The following MFN1 variants were observed in gnomAD, a reference collection of about 807,000 sequenced individuals.
MFN1 encodes mitofusin-1.
A neutral mutation model predicts 92.4 loss-of-function variants in MFN1; 65 were observed. The observed-to-expected ratio is 0.70, with a 90% CI of 0.58 to 0.86. The LOEUF is 0.86. Ranked by LOEUF, MFN1 falls within the 40% of genes least tolerant of loss-of-function variation. MFN1 has a pLI of 0.00. For synonymous variants in MFN1, 297 were observed against 300.9 expected (o/e 0.99, Z 0.13); for missense variants, 781 against 868.0 (o/e 0.90, Z 1.26).
intron 9 of MFN1, among the ~76,000 whole-genome samples, chr3:179,374,790 A>T (rs1713174508): frequency 6.6e-6 from 1 of 152,224 alleles, no homozygotes; most frequent in Admixed American, 6.5e-5. Context: ...TTAAATAAGG[A>T]ATTGTTCTAA....
In MFN1 at chr3:179,392,016, A is replaced by T. The variant is rs779255109; in HGVS notation, c.2183A>T (p.Asn728Ile). The change falls in exon 18 of 18, where the codon AAT becomes ATT. Residue 728 changes from asparagine (N) to isoleucine (I), a missense_variant. By Grantham distance (149) the Asn-to-Ile change is moderately radical (BLOSUM62 -3). Transcript: ENST00000471841. ...GTTCAACTTGAAAATGAGCTGGAGA[A>T]TTTTACTAAGCAGTTTCTACCTTCA... is the stretch of plus-strand genomic sequence containing the variant. ...KAVQLENELE[N>I]FTKQFLPSSN... is the part of the protein sequence containing the mutation. 1.9e-6 allele frequency: 3 copies of T among 1,611,330 alleles called. No individual in the cohort carries two copies. The highest frequency in any genetic ancestry group is 2.5e-6 in the Non-Finnish European group (3 of 1,177,964).
At chr3:179,373,212 G>T (rs1713091201) in intron 9 of MFN1, among the ~76,000 whole-genome samples, 1 of 152,100 alleles carries the variant, frequency 6.6e-6, no homozygotes, top group Non-Finnish European at 1.5e-5. Context: ...TACCTCAAAC[G>T]AAATGCTGAA....
At chr3:179,358,715 T>C (rs1712442849) in intron 3 of MFN1, 125 bp from the exon 4 acceptor site, 1 of 929,508 alleles carries the variant, frequency 1.1e-6, no homozygotes, top group African/African-American at 1.7e-5. Flanking sequence ...AATCTTTTCA[T>C]AAAAATGCAG....
intron 3 of MFN1, among the ~76,000 whole-genome samples, chr3:179,357,360 A>G (rs1712385959): frequency 6.6e-6 from 1 of 152,042 alleles, no homozygotes; most frequent in South Asian, 2.1e-4. Flanking sequence ...TTTCAGAACT[A>G]CTCTTGAGGA....
chr3:179,361,216 G>T (rs574380823), intron 4 of MFN1, among the ~76,000 whole-genome samples: 36 of 152,252 alleles, frequency 2.4e-4, no homozygotes, highest in African/African-American at 8.4e-4. Flanking sequence ...CAAACTTCTC[G>T]TGACTTCAGA....
At chr3:179,377,691 T>C (rs945785189) in intron 12 of MFN1, among the ~76,000 whole-genome samples, 7 of 152,184 alleles carry the variant, frequency 4.6e-5, no homozygotes, top group African/African-American at 1.7e-4. Flanking sequence ...CTCAACACTT[T>C]GGGAGGCCGA....
At position 179,394,854 on chromosome 3, in the gene MFN1, C is replaced by CTT. The variant is rs1488731795; in HGVS notation, c.*2797_*2798dup. The CTT allele has an allele frequency of 1.3e-5, 2 of 152,152 alleles. No homozygotes were observed. Among genetic ancestry groups the CTT allele is most frequent in the African/African-American group, 4.8e-5 (2 of 41,428 alleles). 9.4% of individuals were successfully genotyped at this position (152,152 alleles called of 1,614,324 possible). On this transcript the variant is annotated 3_prime_UTR_variant, in exon 18 of 18. Coordinates refer to ENST00000471841, the MANE Select transcript of MFN1 (RefSeq NM_033540.3). ...TACTTTGTATGTTTGCAGGATTAAA[C>CTT]TTTGTATAATCTTTTTACAAAAATT...
At chr3:179,348,549 A>T (rs1712010964) in intron 1 of MFN1, among the ~76,000 whole-genome samples, 1 of 152,240 alleles carries the variant, frequency 6.6e-6, no homozygotes, top group Non-Finnish European at 1.5e-5. Context: ...GATGTACTTT[A>T]GAGTCACATG....
At chr3:179,371,634 A>G (rs1210745207) in intron 9 of MFN1, among the ~76,000 whole-genome samples, 1 of 152,240 alleles carries the variant, frequency 6.6e-6, no homozygotes, top group Non-Finnish European at 1.5e-5. Context: ...GGCAAGTTAG[A>G]AATCCAAATA....
At position 179,377,906 on chromosome 3, in the gene MFN1, CA is replaced by C. The variant is rs565575694; in HGVS notation, c.1330-425del. 6.2e-3 allele frequency among the ~76,000 whole-genome samples: 921 copies of C among 148,344 alleles called. 3 individuals are homozygous for C. The highest frequency in any genetic ancestry group is 0.018 in the African/African-American group (725 of 40,642). On this transcript the variant is annotated intron_variant, in intron 12 of 17. Transcript: ENST00000471841. ...GGTGAAACCCTGTCTACTAAAAATACAAAAAAAAAATTAGCCGGTGGCAGGC... is the reference window on the plus strand; with the variant it reads ...GGTGAAACCCTGTCTACTAAAAATACAAAAAAAAATTAGCCGGTGGCAGGC...
intron 10 of MFN1, among the ~76,000 whole-genome samples, 153 bp downstream of exon 10, chr3:179,375,494 G>T (rs900769514): frequency 6.6e-6 from 1 of 152,172 alleles, no homozygotes; most frequent in African/African-American, 2.4e-5. Flanking sequence ...TTTTAAGTGC[G>T]TATTTGAAAG....
chr3:179,357,979 C>G (rs1339326962), intron 3 of MFN1, among the ~76,000 whole-genome samples: 3 of 152,062 alleles, frequency 2.0e-5, no homozygotes, highest in Non-Finnish European at 4.4e-5. Flanking sequence ...GAGTAGAGCA[C>G]TACTCAGAGC....
At chr3:179,373,352 A>G (rs1560196234) in intron 9 of MFN1, among the ~76,000 whole-genome samples, 1 of 152,176 alleles carries the variant, frequency 6.6e-6, no homozygotes, top group Non-Finnish European at 1.5e-5. Flanking sequence ...TGATTTCAGG[A>G]TAAGAAATGT....
intron 7 of MFN1, among the ~76,000 whole-genome samples, chr3:179,366,430 TAAAAA>T (rs1034981561): frequency 2.0e-5 from 3 of 152,098 alleles, no homozygotes; most frequent in Non-Finnish European, 4.4e-5. Flanking sequence ...TGTAGAAACT[TAAAAA>T]GAAGTATCTG....
At chr3:179,370,163 T>A (rs1306439674) in intron 9 of MFN1, among the ~76,000 whole-genome samples, 3 of 152,106 alleles carry the variant, frequency 2.0e-5, no homozygotes, top group African/African-American at 7.2e-5. Context: ...TCTGATTTCT[T>A]AGAAATTGGT....
intron 3 of MFN1, among the ~76,000 whole-genome samples, chr3:179,358,033 TA>T (rs927212132): frequency 2.0e-5 from 3 of 151,944 alleles, no homozygotes; most frequent in Non-Finnish European, 4.4e-5. Flanking sequence ...AGACTCGGGG[TA>T]AGTGGACTTT....
At position 179,361,681 on chromosome 3, in the gene MFN1, C is replaced by T. The variant is rs371011170; in HGVS notation, c.412-677C>T. ...CCTCCCGAGTAGCTGAAATTAGAGG[C>T]ACGTGCCACCATGCCCAGCTAATTT... On this transcript the variant is annotated intron_variant, in intron 4 of 17. Coordinates refer to ENST00000471841, the MANE Select transcript of MFN1 (RefSeq NM_033540.3). 1.2e-4 allele frequency among the ~76,000 whole-genome samples: 19 copies of T among 152,164 alleles called. No homozygotes were observed. In the East Asian group the frequency reaches 3.5e-3, roughly 28 times the overall value.
intron 4 of MFN1, 111 bp downstream of exon 4, chr3:179,359,113 CT>C (rs1712463736): frequency 8.3e-7 from 1 of 1,199,742 alleles, no homozygotes; most frequent in African/African-American, 1.6e-5. Flanking sequence ...ATAAAAAGAA[CT>C]GTTAATATTT....
intron 14 of MFN1, among the ~76,000 whole-genome samples, chr3:179,383,882 T>TG (rs1283705441): frequency 1.2e-4 from 19 of 152,174 alleles, no homozygotes; most frequent in Non-Finnish European, 1.9e-4. Flanking sequence ...ATTTATCAAT[T>TG]CAGTAATTTT....
Sources: gnomAD v4.1 joint callset for allele counts (sites outside exome capture counted in the v4.1 genomes callset) on GRCh38, gnomAD v4.1.1 for gene constraint, MANE v1.5 for transcripts, NCBI Gene and HGNC (gene_info 2026-07-23, HGNC 2026-07-21) for gene names.